CAMK4: variants seen among roughly 807,000 people sequenced by gnomAD.
CAMK4 encodes the protein calcium/calmodulin dependent protein kinase IV, also known as calcium/calmodulin-dependent protein kinase type IV.
CAMK4 carries 22 observed loss-of-function variants against 44.9 expected under a neutral mutation model. The observed-to-expected ratio is 0.49, with a 90% CI of 0.35 to 0.70. The LOEUF is 0.70. Among genes scored for constraint, CAMK4 ranks in the 30% least tolerant of loss-of-function variants. CAMK4 has a pLI of 0.01. For synonymous variants in CAMK4, 218 were observed against 215.4 expected (o/e 1.01, Z -0.11); for missense variants, 498 against 586.8 (o/e 0.85, Z 1.56).
At chr5:111,317,319 G>C (rs1440672939) in intron 1 of CAMK4, among the ~76,000 whole-genome samples, 1 of 152,046 alleles carries the variant, frequency 6.6e-6, no homozygotes, top group Non-Finnish European at 1.5e-5. Flanking sequence ...TTCCTAGTTA[G>C]ATCTATATAG....
chr5:111,341,159 T>G (rs1304329231), intron 1 of CAMK4, among the ~76,000 whole-genome samples: 2 of 151,348 alleles, frequency 1.3e-5, no homozygotes, highest in African/African-American at 4.8e-5. Context: ...ATGTGATTCA[T>G]AAATATTTTC....
At chr5:111,267,193 G>A (rs2112573719) in intron 1 of CAMK4, among the ~76,000 whole-genome samples, 1 of 152,192 alleles carries the variant, frequency 6.6e-6, no homozygotes, top group East Asian at 1.9e-4. Context: ...CCTAAATAGG[G>A]AATAAGCCAT....
At chr5:111,309,554 C>G (rs2112666474) in intron 1 of CAMK4, among the ~76,000 whole-genome samples, 1 of 152,224 alleles carries the variant, frequency 6.6e-6, no homozygotes, top group East Asian at 1.9e-4. Context: ...AGAACTGACT[C>G]TGGTTCTGAG....
chr5:111,484,600 G>A lies in CAMK4; in HGVS notation c.*134G>A. On this transcript the variant is annotated 3_prime_UTR_variant, in exon 11 of 11. Transcript: ENST00000282356. The surrounding 1 kb of genome is among the most constrained non-coding windows in gnomAD (Gnocchi z 5.3). ...GTGCAAAAAACATACATATATACCAGTTGGTAATTCTAACTTCAATGCATG... is the reference window on the plus strand; with the variant it reads ...GTGCAAAAAACATACATATATACCAATTGGTAATTCTAACTTCAATGCATG... 1 of 474,904 alleles carries A rather than the reference G, an allele frequency of 2.1e-6. No homozygotes were observed. The highest frequency in any genetic ancestry group is 3.5e-6 in the Non-Finnish European group (1 of 285,436). The allele number at this position is 474,904 out of a possible 1,614,324, so 29.4% of individuals were successfully genotyped here. A position where few individuals can be genotyped will look rare whatever the true frequency, so the allele number is the denominator to read the frequency against.
chr5:111,447,632 C>T (rs921047549), intron 6 of CAMK4, among the ~76,000 whole-genome samples: 9 of 152,134 alleles, frequency 5.9e-5, no homozygotes, highest in Admixed American at 2.0e-4. Flanking sequence ...ACTTTATTTT[C>T]GATGAATTCT....
At chr5:111,244,905 A>G (rs942050433) in intron 1 of CAMK4, among the ~76,000 whole-genome samples, 6 of 152,216 alleles carry the variant, frequency 3.9e-5, no homozygotes, top group African/African-American at 1.2e-4. Flanking sequence ...ATAACATAAC[A>G]TAAAATAAAT....
intron 1 of CAMK4, among the ~76,000 whole-genome samples, chr5:111,293,387 A>G (rs919401620): frequency 6.6e-6 from 1 of 151,976 alleles, no homozygotes; most frequent in African/African-American, 2.4e-5. Context: ...GGAAAACACT[A>G]TGCTTATTGA....
intron 5 of CAMK4, among the ~76,000 whole-genome samples, chr5:111,401,115 G>T (rs1475645173): frequency 6.6e-6 from 1 of 152,068 alleles, no homozygotes. Flanking sequence ...ATCGAACATA[G>T]TACTGCTCTG....
chr5:111,314,967 A>T (rs1748358774), intron 1 of CAMK4, among the ~76,000 whole-genome samples: 1 of 152,078 alleles, frequency 6.6e-6, no homozygotes, highest in South Asian at 2.1e-4. Context: ...CAAAGATAAG[A>T]TACTGCAGTA....
chr5:111,460,853 T>C (rs1580783994), intron 7 of CAMK4, among the ~76,000 whole-genome samples: 1 of 151,180 alleles, frequency 6.6e-6, no homozygotes, highest in South Asian at 2.1e-4. Flanking sequence ...TAAGTTGTAT[T>C]TTTTTTTCCT....
In CAMK4 at chr5:111,323,260, T is replaced by C. The variant is rs575524521; in HGVS notation, c.162-20764T>C. Among the ~76,000 whole-genome samples, 3 of 152,114 alleles carry C rather than the reference T, an allele frequency of 2.0e-5. No homozygotes were observed. In the East Asian group the frequency reaches 5.8e-4, roughly 29 times the overall value. ...TAAAAGGAACCATGAAACAAAGATATGATATACAGACAGTCCTATACTTAC... is the reference window on the plus strand; with the variant it reads ...TAAAAGGAACCATGAAACAAAGATACGATATACAGACAGTCCTATACTTAC... On this transcript the variant is annotated intron_variant, in intron 1 of 10. Transcript: ENST00000282356.
intron 7 of CAMK4, among the ~76,000 whole-genome samples, chr5:111,463,995 A>G (rs1160808928): frequency 6.6e-6 from 1 of 152,050 alleles, no homozygotes; most frequent in Non-Finnish European, 1.5e-5. Context: ...CCAAAAAGAA[A>G]TCCCTGAATT....
intron 2 of CAMK4, among the ~76,000 whole-genome samples, chr5:111,373,757 C>T (rs577474637): frequency 6.6e-6 from 1 of 152,130 alleles, no homozygotes; most frequent in East Asian, 1.9e-4. Flanking sequence ...ACTTCTAAAA[C>T]CATGTAAACT....
At position 111,224,454 on chromosome 5, in the gene CAMK4, G is replaced by C; in HGVS notation, c.-30G>C. On this transcript the variant is annotated 5_prime_UTR_variant, in exon 1 of 11. Transcript: ENST00000282356. This position sits in a 1 kb window ranked among gnomAD's most constrained non-coding sequence, Gnocchi z 5.7. ...TCGCTCGGGCAGCGGCGGCGGCGGC[G>C]GCGGCGGCTTCCGGAGTCCCGCTGC... 1 of 1,559,328 alleles carries C rather than the reference G, an allele frequency of 6.4e-7. No individual in the cohort carries two copies. The highest frequency in any genetic ancestry group is 1.2e-5 in the South Asian group (1 of 85,942).
chr5:111,298,873 GCAGAACATAA>G (rs1269221254), intron 1 of CAMK4, among the ~76,000 whole-genome samples: 2 of 152,200 alleles, frequency 1.3e-5, no homozygotes, highest in East Asian at 3.9e-4. Flanking sequence ...CTGACAATTG[GCAGAACATAA>G]CAGCCCTGCA....
chr5:111,494,483 T>C lies in CAMK4; in HGVS notation c.*10017T>C, dbSNP rs1387921763. On this transcript the variant is annotated 3_prime_UTR_variant, in exon 11 of 11. Coordinates refer to ENST00000282356, the MANE Select transcript of CAMK4 (RefSeq NM_001744.6). Reference sequence around the variant, plus strand: ...CCCATTTGCTGTTGTAGAGCTACAGTATTCTTCAATGGTGGTGACTGACCA... The same window carrying C: ...CCCATTTGCTGTTGTAGAGCTACAGCATTCTTCAATGGTGGTGACTGACCA... The C allele has an allele frequency of 1.3e-5, 2 of 152,150 alleles. No homozygotes were observed. The highest frequency in any genetic ancestry group is 2.9e-5 in the Non-Finnish European group (2 of 68,018). 9.4% of individuals were successfully genotyped at this position (152,150 alleles called of 1,614,324 possible).
At chr5:111,348,476 TATAAC>T (rs1290759811) in intron 2 of CAMK4, among the ~76,000 whole-genome samples, 4 of 152,036 alleles carry the variant, frequency 2.6e-5, no homozygotes, top group Non-Finnish European at 5.9e-5. Flanking sequence ...AACAGGTAAT[TATAAC>T]ATGAGACATG....
At chr5:111,235,090 A>G (rs1216846899) in intron 1 of CAMK4, among the ~76,000 whole-genome samples, 3 of 152,198 alleles carry the variant, frequency 2.0e-5, no homozygotes, top group African/African-American at 7.2e-5. Flanking sequence ...TTCATTGCTC[A>G]GAATGTTGCA....
intron 5 of CAMK4, among the ~76,000 whole-genome samples, chr5:111,395,230 A>AAAAAAAAAAAAAAAAAAG (rs1561460468): frequency 2.8e-5 from 3 of 106,456 alleles, no homozygotes; most frequent in East Asian, 2.9e-4. Flanking sequence ...AAAAAAAAGA[A>AAAAAAAAAAAAAAAAAAG]AAAAAAAAAG....
Sources: gnomAD v4.1 joint callset for allele counts (sites outside exome capture counted in the v4.1 genomes callset) on GRCh38, gnomAD v4.1.1 for gene constraint, Gnocchi (gnomAD v3.1) non-coding constraint, MANE v1.5 for transcripts, NCBI Gene and HGNC (gene_info 2026-07-23, HGNC 2026-07-21) for gene names.